MYO1G: variants seen among roughly 807,000 people sequenced by gnomAD.
The protein encoded by MYO1G is myosin IG, also known as unconventional myosin-Ig.
A neutral mutation model predicts 115.3 loss-of-function variants in MYO1G; 65 were observed. The ratio of observed to expected loss-of-function variants is 0.56; its 90% CI spans 0.46 to 0.69. MYO1G has a LOEUF of 0.69. Ranked by LOEUF, MYO1G falls within the 30% of genes least tolerant of loss-of-function variation. MYO1G has a pLI of 0.00. For synonymous variants in MYO1G, 510 were observed against 552.6 expected (o/e 0.92, Z 1.08); for missense variants, 1,204 against 1,393.5 (o/e 0.86, Z 2.16).
In MYO1G at chr7:44,966,553, T is replaced by A. The variant is rs1794849247; in HGVS notation, c.1949+119A>T. 1 of 1,278,304 alleles carries A rather than the reference T, an allele frequency of 7.8e-7. No individual in the cohort carries two copies. The highest frequency in any genetic ancestry group is 1.1e-6 in the Non-Finnish European group (1 of 891,974). 79.2% of individuals were successfully genotyped at this position (1,278,304 alleles called of 1,614,324 possible). ...TTTTGGTGTCTTGAGGCCAGCAGCG[T>A]GCTGGTTCCTGCTTGTATCGATGTT... On this transcript the variant is annotated intron_variant, in intron 15 of 21. Coordinates refer to ENST00000258787, the MANE Select transcript of MYO1G (RefSeq NM_033054.3). This position sits in a 1 kb window ranked among gnomAD's most constrained non-coding sequence, Gnocchi z 5.0.
chr7:44,963,923 G>T lies in MYO1G; in HGVS notation c.2745+126C>A. ...GATTTTCAGCACGGGTGCCACCATC[G>T]CTGAGTTTTAGGATGGTCTGGGCCA... On this transcript the variant is annotated intron_variant, in intron 20 of 21. Transcript: ENST00000258787. The surrounding 1 kb of genome is among the most constrained non-coding windows in gnomAD (Gnocchi z 4.1). 1 of 766,256 alleles carries T rather than the reference G, an allele frequency of 1.3e-6. No homozygotes were observed. The allele number at this position is 766,256 out of a possible 1,614,324, so 47.5% of individuals were successfully genotyped here. A position where few individuals can be genotyped will look rare whatever the true frequency, so the allele number is the denominator to read the frequency against.
rs970723498 is a variant in MYO1G, at chr7:44,976,769, C to T, written c.304+94G>A. On this transcript the variant is annotated intron_variant, in intron 2 of 21. Transcript: ENST00000258787. ...CAAGATGGGGTCCTAGGGCCCCCAT[C>T]AGGACACAGGGCACAGGAGATGCTC... 8 of 1,573,510 alleles carry T rather than the reference C, an allele frequency of 5.1e-6. No homozygotes were observed. The African/African-American group carries it at 1.1e-4, about 21-fold the overall frequency.
Position 44,975,207 on chromosome 7 carries a change from G to A in MYO1G, c.585C>T (p.His195=), listed in dbSNP as rs535530112. The change falls in exon 5 of 22, where the codon CAC becomes CAT. Residue 195 remains histidine, a synonymous_variant. Coordinates refer to ENST00000258787, the MANE Select transcript of MYO1G (RefSeq NM_033054.3). Reference sequence around the variant, plus strand: ...AGGCGTGGAAGTTTCTTTCACCCACGTGCTGCTTGAGGACCCGAGACTGAG... The same window carrying A: ...AGGCGTGGAAGTTTCTTTCACCCACATGCTGCTTGAGGACCCGAGACTGAG... The part of the protein sequence containing the change: ...LLEKSRVLKQ[H]VGERNFHAFY... 1.6e-5 allele frequency: 26 copies of A among 1,614,048 alleles called. No homozygotes were observed. Among genetic ancestry groups the A allele is most frequent in the East Asian group, 1.1e-4 (5 of 44,874 alleles).
Position 44,970,644 on chromosome 7 carries a change from T to A in MYO1G, c.1165A>T (p.Thr389Ser). 1.2e-6 allele frequency: 2 copies of A among 1,613,852 alleles called. No individual in the cohort carries two copies. Among genetic ancestry groups the A allele is most frequent in the Non-Finnish European group, 1.7e-6 (2 of 1,180,032 alleles). Residue 389 changes from threonine (T) to serine (S), a missense_variant, in exon 9 of 22, where the codon ACA becomes TCA. Coordinates refer to ENST00000258787, the MANE Select transcript of MYO1G (RefSeq NM_033054.3). ...GRDPRRDGKD[T>S]VIGVLDIYGF... ...TAGATGTCCAGCACGCCAATGACTG[T>A]GTCCTTGCCATCACGCCGAGGATCC...
chr7:44,963,127 G>T lies in MYO1G; in HGVS notation c.2746-3C>A. The T allele has an allele frequency of 6.8e-7, 1 of 1,460,236 alleles. No homozygotes were observed. Among genetic ancestry groups the T allele is most frequent in the Non-Finnish European group, 9.0e-7 (1 of 1,111,022 alleles). The allele number at this position is 1,460,236 out of a possible 1,614,324, so 90.5% of individuals were successfully genotyped here. The stretch of plus-strand genomic sequence containing the variant: ...CTGGTCACGCTCAGCCCCGTCACCT[G>T]AGCGGAGCGCGGGGTCAGAGTGCAG... On this transcript the variant is annotated splice_region_variant and splice_polypyrimidine_tract_variant and intron_variant, in intron 20 of 21. Coordinates refer to ENST00000258787, the MANE Select transcript of MYO1G (RefSeq NM_033054.3). The surrounding 1 kb of genome is among the most constrained non-coding windows in gnomAD (Gnocchi z 4.1).
intron 1 of MYO1G, 39 bp from the exon 2 acceptor site, chr7:44,977,110 T>C (rs1382590768): frequency 6.3e-7 from 1 of 1,597,022 alleles, no homozygotes; most frequent in African/African-American, 1.3e-5. Context: ...CTCACAGGCT[T>C]ACAGGCACCC....
rs780962634 is a variant in MYO1G at position 44,970,937 on chromosome 7, G to A, written c.969C>T (p.Leu323=). The part of the protein sequence containing the change: ...ELTATPRDLV[L]RSLLARTVAS... ...CAACTGTGCGAGCCAGCAGGGAGCGGAGCACGAGGTCCCGGGGTGTGGCCG... is the reference window on the plus strand; with the variant it reads ...CAACTGTGCGAGCCAGCAGGGAGCGAAGCACGAGGTCCCGGGGTGTGGCCG... The change falls in exon 8 of 22, where the codon CTC becomes CTT. Residue 323 remains leucine, a synonymous_variant. Coordinates refer to ENST00000258787, the MANE Select transcript of MYO1G (RefSeq NM_033054.3). 1 of 1,613,566 alleles carries A rather than the reference G, an allele frequency of 6.2e-7. No individual in the cohort carries two copies. The highest frequency in any genetic ancestry group is 8.5e-7 in the Non-Finnish European group (1 of 1,180,016).
At position 44,964,155 on chromosome 7, in the gene MYO1G, C is replaced by A; in HGVS notation, c.2639G>T (p.Arg880Leu). Residue 880 changes from arginine (R) to leucine (L), a missense_variant, in exon 20 of 22, where the codon CGC becomes CTC. Physicochemically the swap from Arg to Leu is moderately radical, Grantham distance 102. Coordinates refer to ENST00000258787, the MANE Select transcript of MYO1G (RefSeq NM_033054.3). The surrounding 1 kb of genome is among the most constrained non-coding windows in gnomAD (Gnocchi z 5.1). ...LFSSHVRKVN[R>L]FHKIRNRALL... is the part of the protein sequence containing the mutation. ...GGCCCGGTTCCGGATCTTGTGGAAG[C>A]GGTTCACCTGTGGGAGAGGTGGCTG... 6.9e-6 allele frequency: 11 copies of A among 1,590,590 alleles called. No homozygotes were observed. The highest frequency in any genetic ancestry group is 8.6e-6 in the Non-Finnish European group (10 of 1,168,198).
intron 1 of MYO1G, among the ~76,000 whole-genome samples, chr7:44,978,617 G>T (rs370173785): frequency 1.9e-4 from 29 of 152,350 alleles, no homozygotes; most frequent in African/African-American, 6.5e-4. Context: ...GCAGGGGTGG[G>T]TTGAGGTGGT....
At chr7:44,975,462 T>C (rs1202827936) in intron 4 of MYO1G, 22 bp downstream of exon 4, 3 of 1,593,680 alleles carry the variant, frequency 1.9e-6, no homozygotes, top group Non-Finnish European at 2.6e-6. Flanking sequence ...CCCATGGAGG[T>C]CTCCTCAGCC....
rs73694236 is a variant in MYO1G at position 44,964,258 on chromosome 7, C to T, written c.2632-96G>A. Reference sequence around the variant, plus strand: ...CCCTACTGCCTCCCCTCCCCGCTGGCGACAGTTTTGGGAGTGTCAGGAGCA... The same window carrying T: ...CCCTACTGCCTCCCCTCCCCGCTGGTGACAGTTTTGGGAGTGTCAGGAGCA... On this transcript the variant is annotated intron_variant, in intron 19 of 21. Coordinates refer to ENST00000258787, the MANE Select transcript of MYO1G (RefSeq NM_033054.3). The surrounding 1 kb of genome is among the most constrained non-coding windows in gnomAD (Gnocchi z 5.1). 5,084 of 1,334,522 alleles carry T rather than the reference C, an allele frequency of 3.8e-3. 149 individuals carry two copies. In the African/African-American group the frequency reaches 0.065, roughly 17 times the overall value. 82.7% of individuals were successfully genotyped at this position (1,334,522 alleles called of 1,614,324 possible). A position where few individuals can be genotyped will look rare whatever the true frequency, so the allele number is the denominator to read the frequency against.
chr7:44,965,515 C>T lies in MYO1G; in HGVS notation c.2381+122G>A, dbSNP rs554215947. 191 of 933,824 alleles carry T rather than the reference C, an allele frequency of 2.0e-4. No homozygotes were observed. The African/African-American group carries it at 2.7e-3, about 13-fold the overall frequency. 57.8% of individuals were successfully genotyped at this position (933,824 alleles called of 1,614,324 possible). A position where few individuals can be genotyped will look rare whatever the true frequency, so the allele number is the denominator to read the frequency against. On this transcript the variant is annotated intron_variant, in intron 17 of 21. Coordinates refer to ENST00000258787, the MANE Select transcript of MYO1G (RefSeq NM_033054.3). Reference sequence around the variant, plus strand: ...GTCAGCTAATGTGGCATAGCATCCACCTTCCCACCTATCAAGGGGGCTGGT... The same window carrying T: ...GTCAGCTAATGTGGCATAGCATCCATCTTCCCACCTATCAAGGGGGCTGGT...
intron 2 of MYO1G, 30 bp downstream of exon 2, chr7:44,976,830 CGAG>C (rs748360977): frequency 3.6e-5 from 58 of 1,609,156 alleles, no homozygotes; most frequent in Middle Eastern, 1.6e-4. Flanking sequence ...ATGAAGATGC[CGAG>C]GGTGGGGGCC....
Position 44,970,679 on chromosome 7 carries a change from G to C in MYO1G, c.1130C>G (p.Pro377Arg). 2 of 1,613,954 alleles carry C rather than the reference G, an allele frequency of 1.2e-6. No homozygotes were observed. Among genetic ancestry groups the C allele is most frequent in the Non-Finnish European group, 1.7e-6 (2 of 1,180,008 alleles). The change falls in exon 9 of 22, where the codon CCC (proline) becomes CGC (arginine). Residue 377 changes from proline to arginine, a missense_variant. Physicochemically the swap from Pro to Arg is moderately radical, Grantham distance 103 (BLOSUM62 -2). Transcript: ENST00000258787. Reference protein sequence around the residue: ...VVNRINSVMEPRGRDPRRDGK... With the variant: ...VVNRINSVMERRGRDPRRDGK... ...ATCACGCCGAGGATCCCGGCCCCGG[G>C]GTTCCATGACACTGTTGATCCTGTT...
chr7:44,977,986 G>A (rs1479042982), intron 1 of MYO1G, among the ~76,000 whole-genome samples: 2 of 152,228 alleles, frequency 1.3e-5, no homozygotes, highest in East Asian at 3.9e-4. Context: ...AGAGGACAAT[G>A]TTTCATAAGC....
Position 44,970,248 on chromosome 7 carries a change from C to T in MYO1G, c.1218-94G>A. The T allele has an allele frequency of 6.6e-6, 6 of 910,752 alleles. No homozygotes were observed. The Admixed American group carries it at 1.2e-4, about 19-fold the overall frequency. 56.4% of individuals were successfully genotyped at this position (910,752 alleles called of 1,614,324 possible). ...TCCCCTGAACATCTCTGCTAATGTT[C>T]ATTGAGGGTTCTGGTGCCAGCACCC... On this transcript the variant is annotated intron_variant, in intron 9 of 21. Coordinates refer to ENST00000258787, the MANE Select transcript of MYO1G (RefSeq NM_033054.3).
chr7:44,977,122 C>G, intron 1 of MYO1G, 51 bp from the exon 2 acceptor site: 1 of 1,573,814 alleles, frequency 6.4e-7, no homozygotes, highest in African/African-American at 1.3e-5. Context: ...CAGGCACCCA[C>G]AGGCCTTTCG....
At position 44,977,157 on chromosome 7, in the gene MYO1G, C is replaced by T. The variant is rs550185442; in HGVS notation, c.96-86G>A. On this transcript the variant is annotated intron_variant, in intron 1 of 21. Transcript: ENST00000258787. ...GCCAGAGCCCATATCAGGGCCTGGCCCCAGTAGGCCAGCGCTCCCACCCTG... is the reference window on the plus strand; with the variant it reads ...GCCAGAGCCCATATCAGGGCCTGGCTCCAGTAGGCCAGCGCTCCCACCCTG... 1.2e-4 allele frequency: 164 copies of T among 1,318,818 alleles called. 1 individual carries two copies. The South Asian group carries it at 2.1e-3, about 17-fold the overall frequency. 81.7% of individuals were successfully genotyped at this position (1,318,818 alleles called of 1,614,324 possible).
intron 1 of MYO1G, 115 bp from the exon 2 acceptor site, chr7:44,977,186 G>A (rs1226403547): frequency 8.5e-6 from 8 of 939,492 alleles, no homozygotes; most frequent in Non-Finnish European, 1.3e-5. Context: ...CACCCTGACG[G>A]GCTGAGAGTG....
Sources: gnomAD v4.1 joint callset for allele counts (sites outside exome capture counted in the v4.1 genomes callset) on GRCh38, gnomAD v4.1.1 for gene constraint, Gnocchi (gnomAD v3.1) non-coding constraint, MANE v1.5 for transcripts, NCBI Gene and HGNC (gene_info 2026-07-23, HGNC 2026-07-21) for gene names.